FRMD4A: variants seen among roughly 807,000 people sequenced by gnomAD.
FRMD4A encodes FERM domain containing 4A, also known as FERM domain-containing protein 4A.
Under a neutral mutation model 129.1 loss-of-function variants are expected in FRMD4A, and 29 were observed. The observed-to-expected ratio is 0.22, with a 90% CI of 0.17 to 0.31. FRMD4A has a LOEUF of 0.31. Among genes scored for constraint, FRMD4A ranks in the 10% least tolerant of loss-of-function variants. The pLI, the probability that FRMD4A is intolerant of heterozygous loss-of-function variation, is 1.00. For missense variants in FRMD4A, 1,272 were observed against 1,375.8 expected, an observed-to-expected ratio of 0.92 and a Z score of 1.19; for synonymous variants, 634 against 571.6, an observed-to-expected ratio of 1.11 and a Z score of -1.56.
In FRMD4A at chr10:13,720,005, C is replaced by T. The variant is rs550635174; in HGVS notation, c.760-12892G>A. ...TCCCTCTCCTCCATTCTCCTCCCAA[C>T]TATCTTGCTCTCTACGTGGAGCTCT... On this transcript the variant is annotated intron_variant, in intron 12 of 24. Coordinates refer to ENST00000357447, the MANE Select transcript of FRMD4A (RefSeq NM_018027.5). 1.5e-3 allele frequency among the ~76,000 whole-genome samples: 230 copies of T among 152,324 alleles called. 1 individual carries two copies. The highest frequency in any genetic ancestry group is 5.1e-3 in the African/African-American group (210 of 41,574).
chr10:14,193,400 A>G (rs1165134240), intron 2 of FRMD4A, among the ~76,000 whole-genome samples: 1 of 152,088 alleles, frequency 6.6e-6, no homozygotes, highest in Non-Finnish European at 1.5e-5. Context: ...CTTCCAGAAA[A>G]CGGAAATGTC....
At position 13,823,057 on chromosome 10, in the gene FRMD4A, C is replaced by A. The variant is rs1033966214; in HGVS notation, c.112-12149G>T. Among the ~76,000 whole-genome samples the A allele has an allele frequency of 2.0e-5, 3 of 152,222 alleles. No individual in the cohort carries two copies. The East Asian group carries it at 5.8e-4, about 29-fold the overall frequency. ...GTTTCTTCCATATTTTCCTAAGATG[C>A]AGTCTGGTCCCTGTGTTCTCTGAAA... On this transcript the variant is annotated intron_variant, in intron 3 of 24. Transcript: ENST00000357447.
chr10:13,976,267 T>C (rs924504624), intron 2 of FRMD4A, among the ~76,000 whole-genome samples: 13 of 152,268 alleles, frequency 8.5e-5, no homozygotes, highest in South Asian at 6.2e-4. Flanking sequence ...GGATTGCACA[T>C]TGGGGAAGGG....
chr10:14,329,857 G>C (rs1843441854), intron 2 of FRMD4A, among the ~76,000 whole-genome samples: 1 of 152,166 alleles, frequency 6.6e-6, no homozygotes, highest in African/African-American at 2.4e-5. Context: ...TTCTGAAATG[G>C]CAAATCTACA....
At chr10:14,221,044 A>G (rs2131971756) in intron 2 of FRMD4A, among the ~76,000 whole-genome samples, 1 of 152,260 alleles carries the variant, frequency 6.6e-6, no homozygotes, top group East Asian at 1.9e-4. Flanking sequence ...GGCTGGATTG[A>G]GGAGCAGAGA....
chr10:14,328,860 G>T (rs891373552), intron 2 of FRMD4A, among the ~76,000 whole-genome samples: 1 of 152,120 alleles, frequency 6.6e-6, no homozygotes, highest in South Asian at 2.1e-4. Context: ...ATTAGTAAGG[G>T]AAAGAAGTCA....
intron 2 of FRMD4A, among the ~76,000 whole-genome samples, chr10:14,322,365 ATTC>A (rs1843094827): frequency 3.9e-5 from 6 of 152,140 alleles, no homozygotes; most frequent in Admixed American, 3.9e-4. Flanking sequence ...AAGACCATAA[ATTC>A]TACATTTGAG....
intron 2 of FRMD4A, among the ~76,000 whole-genome samples, chr10:14,020,161 C>A (rs1832675130): frequency 6.6e-6 from 1 of 152,192 alleles, no homozygotes; most frequent in African/African-American, 2.4e-5. Flanking sequence ...CAGGATCCTG[C>A]ATGTACATTT....
At chr10:13,887,319 T>TC (rs1240044675) in intron 2 of FRMD4A, among the ~76,000 whole-genome samples, 2 of 152,316 alleles carry the variant, frequency 1.3e-5, no homozygotes, top group South Asian at 4.1e-4. Context: ...AGCAGTGACT[T>TC]CCATCTTCAA....
chr10:13,961,952 A>T (rs1469571009), intron 2 of FRMD4A, among the ~76,000 whole-genome samples: 2 of 152,312 alleles, frequency 1.3e-5, no homozygotes, highest in East Asian at 3.9e-4. Context: ...GAATGAATTT[A>T]CCATTCTACC....
At chr10:13,702,913 G>GAAAAAAAAA (rs34246612) in intron 13 of FRMD4A, among the ~76,000 whole-genome samples, 1 of 131,942 alleles carries the variant, frequency 7.6e-6, no homozygotes, top group Non-Finnish European at 1.6e-5. Context: ...AAAAGTGAAG[G>GAAAAAAAAA]AAAAAAAAAA....
chr10:14,230,786 C>T (rs1471068471), intron 2 of FRMD4A, among the ~76,000 whole-genome samples: 1 of 152,126 alleles, frequency 6.6e-6, no homozygotes, highest in African/African-American at 2.4e-5. Context: ...CTCCTTCCAC[C>T]TTCCACCTTC....
At chr10:13,714,755 G>A (rs1346239265) in intron 12 of FRMD4A, among the ~76,000 whole-genome samples, 2 of 152,108 alleles carry the variant, frequency 1.3e-5, no homozygotes, top group Non-Finnish European at 2.9e-5. Context: ...GTGCCGCACT[G>A]CAGGCTGGGC....
chr10:14,125,157 C>T (rs1301502412), intron 2 of FRMD4A, among the ~76,000 whole-genome samples: 3 of 152,270 alleles, frequency 2.0e-5, no homozygotes, highest in South Asian at 2.1e-4. Flanking sequence ...GACATCCCAA[C>T]GCATGCACCA....
intron 2 of FRMD4A, among the ~76,000 whole-genome samples, chr10:14,117,484 C>G (rs991824953): frequency 6.6e-6 from 1 of 152,238 alleles, no homozygotes; most frequent in African/African-American, 2.4e-5. Flanking sequence ...CATGGAGATG[C>G]AGACTCTGGG....
At chr10:13,666,911 C>CTT (rs10546068) in intron 17 of FRMD4A, among the ~76,000 whole-genome samples, 8 of 114,374 alleles carry the variant, frequency 7.0e-5, no homozygotes, top group South Asian at 3.0e-4. Context: ...CTTTTCTTTT[C>CTT]TTTTTTTTTT....
intron 8 of FRMD4A, among the ~76,000 whole-genome samples, chr10:13,755,029 T>C (rs1022616380): frequency 6.6e-6 from 1 of 152,138 alleles, no homozygotes; most frequent in Non-Finnish European, 1.5e-5. Flanking sequence ...GGAAATGATA[T>C]TGGTATACTA....
At chr10:13,790,420 G>C (rs1323466098) in intron 5 of FRMD4A, among the ~76,000 whole-genome samples, 1 of 152,202 alleles carries the variant, frequency 6.6e-6, no homozygotes, top group Non-Finnish European at 1.5e-5. Context: ...AGCTGTGGAT[G>C]GGGGTGAAAT....
At chr10:14,213,872 T>G (rs1054510482) in intron 2 of FRMD4A, among the ~76,000 whole-genome samples, 2 of 152,224 alleles carry the variant, frequency 1.3e-5, no homozygotes, top group Non-Finnish European at 2.9e-5. Context: ...TCTCCTGAGA[T>G]CTGATGGTTT....
Sources: allele counts gnomAD v4.1 joint callset (sites outside exome capture counted in the v4.1 genomes callset), GRCh38; gene constraint gnomAD v4.1.1; transcripts MANE v1.5; gene names NCBI Gene and HGNC (gene_info 2026-07-23, HGNC 2026-07-21).